Variants in FBXO33 observed in about 807,000 individuals in gnomAD.
FBXO33 encodes the protein F-box only protein 33.
FBXO33 carries 22 observed loss-of-function variants against 46.3 expected under a neutral mutation model. The ratio of observed to expected loss-of-function variants is 0.48; its 90% CI spans 0.34 to 0.68. The LOEUF is 0.68. FBXO33 is among the 30% of genes least tolerant of loss of function. FBXO33 has a pLI of 0.01. For missense variants in FBXO33, 692 were observed against 708.8 expected (o/e 0.98, Z 0.27); for synonymous variants, 337 against 291.3 (o/e 1.16, Z -1.60).
chr14:39,428,654 C>G (rs1040448929), intron 1 of FBXO33, among the ~76,000 whole-genome samples: 5 of 152,282 alleles, frequency 3.3e-5, no homozygotes, highest in Middle Eastern at 3.4e-3. Context: ...TTTTTAGTGA[C>G]TGAGTCTATT....
intron 2 of FBXO33, 137 bp downstream of exon 2, chr14:39,402,264 T>C (rs1242536299): frequency 8.6e-6 from 4 of 462,770 alleles, no homozygotes. Context: ...ATCACTGTAT[T>C]TCACCATTAA....
chr14:39,409,607 G>T (rs1183972075), intron 1 of FBXO33, among the ~76,000 whole-genome samples: 1 of 152,054 alleles, frequency 6.6e-6, no homozygotes, highest in East Asian at 1.9e-4. Context: ...TTCTATTTCT[G>T]TAAAACATGC....
intron 1 of FBXO33, among the ~76,000 whole-genome samples, chr14:39,421,536 A>C (rs1175418284): frequency 6.6e-6 from 1 of 152,156 alleles, no homozygotes; most frequent in Non-Finnish European, 1.5e-5. Context: ...TCAGGGCATA[A>C]TGAGTTTATA....
intron 1 of FBXO33, among the ~76,000 whole-genome samples, chr14:39,407,501 C>CT (rs2075404476): frequency 6.6e-6 from 1 of 152,098 alleles, no homozygotes; most frequent in Non-Finnish European, 1.5e-5. Flanking sequence ...TTCTCTGCTT[C>CT]TGGGAGTTTG....
Position 39,425,782 on chromosome 14 carries a change from G to A in FBXO33, c.599+5782C>T, listed in dbSNP as rs116934760. Among the ~76,000 whole-genome samples the A allele has an allele frequency of 7.2e-5, 11 of 152,300 alleles. No individual in the cohort carries two copies. The East Asian group carries it at 9.6e-4, about 13-fold the overall frequency. ...TTGTTGTACAATATAGCAGTCACTA[G>A]CCATATGTGACTATTGAGCGCTCGA... On this transcript the variant is annotated intron_variant, in intron 1 of 3. Coordinates refer to ENST00000298097, the MANE Select transcript of FBXO33 (RefSeq NM_203301.4).
Position 39,405,099 on chromosome 14 carries a change from A to C in FBXO33, c.600-2588T>G, listed in dbSNP as rs76579682. 1.1e-4 allele frequency among the ~76,000 whole-genome samples: 16 copies of C among 149,570 alleles called. No individual in the cohort carries two copies. The East Asian group carries it at 3.2e-3, about 30-fold the overall frequency. On this transcript the variant is annotated intron_variant, in intron 1 of 3. Transcript: ENST00000298097. ...GGAGATGGGAGGTTGCAGTGAGCCG[A>C]GATCACGCCATTGCGTGTGATTCTG...
Position 39,431,685 on chromosome 14 carries a change from C to A in FBXO33, c.478G>T (p.Ala160Ser), listed in dbSNP as rs897870777. The change falls in exon 1 of 4, where the codon GCG (alanine) becomes TCG (serine). Residue 160 changes from alanine to serine, a missense_variant. By Grantham distance (99) the Ala-to-Ser change is moderately conservative. Coordinates refer to ENST00000298097, the MANE Select transcript of FBXO33 (RefSeq NM_203301.4). ...SGGGPGDGGG[A>S]DTGTGGEEVE... is the part of the protein sequence containing the mutation. ...TCCTCCCCTCCAGTCCCGGTGTCCG[C>A]GCCACCTCCGTCCCCTGGGCCACCG... 2 of 1,613,372 alleles carry A rather than the reference C, an allele frequency of 1.2e-6. No individual in the cohort carries two copies. The highest frequency in any genetic ancestry group is 2.7e-5 in the African/African-American group (2 of 74,940).
Position 39,431,615 on chromosome 14 carries a change from C to T in FBXO33, c.548G>A (p.Arg183His). 6.2e-7 allele frequency: 1 copy of T among 1,613,538 alleles called. No homozygotes were observed. Among genetic ancestry groups the T allele is most frequent in the Non-Finnish European group, 8.5e-7 (1 of 1,180,024 alleles). Residue 183 changes from arginine (R) to histidine (H), a missense_variant, in exon 1 of 4, where the codon CGC becomes CAC. By Grantham distance (29) the Arg-to-His change is conservative. This residue lies in a region of FBXO33 where 412 missense variants were observed against 370.8 expected (regional missense o/e 1.11). Coordinates refer to ENST00000298097, the MANE Select transcript of FBXO33 (RefSeq NM_203301.4). ...GCAAAGCACCAGCTCCAAGTAGGTG[C>T]GCAGCACTTCCAGCCAACGAGCTGA... ...QLSARWLEVL[R>H]TYLELVLCVL...
chr14:39,422,405 C>T (rs1482596211), intron 1 of FBXO33, among the ~76,000 whole-genome samples: 1 of 152,230 alleles, frequency 6.6e-6, no homozygotes, highest in Non-Finnish European at 1.5e-5. Flanking sequence ...CACCCTTGCC[C>T]TACTACAAGC....
chr14:39,401,505 T>C lies in FBXO33; in HGVS notation c.1067A>G (p.Asn356Ser). ...VMHKSLDNMP[N>S]DEHWKALSRK... ...TGACAGGGCTTTCCAATGCTCATCATTTGGCATGTTGTCCAGAGACTTGTG... is the reference window on the plus strand; with the variant it reads ...TGACAGGGCTTTCCAATGCTCATCACTTGGCATGTTGTCCAGAGACTTGTG... Residue 356 changes from asparagine to serine, a missense_variant, in exon 3 of 4, where the codon AAT becomes AGT. Physicochemically the swap from Asn to Ser is conservative, Grantham distance 46 (BLOSUM62 1). Transcript: ENST00000298097. 1.2e-6 allele frequency: 2 copies of C among 1,614,210 alleles called. No homozygotes were observed. The highest frequency in any genetic ancestry group is 8.5e-7 in the Non-Finnish European group (1 of 1,180,024).
chr14:39,420,168 G>A, intron 1 of FBXO33, among the ~76,000 whole-genome samples: 1 of 152,256 alleles, frequency 6.6e-6, no homozygotes, highest in East Asian at 1.9e-4. Context: ...AAAAGTTATG[G>A]TGGTTAAGTT....
chr14:39,402,286 G>C (rs1286922593), intron 2 of FBXO33, 115 bp downstream of exon 2: 175 of 483,064 alleles, frequency 3.6e-4, no homozygotes, highest in Non-Finnish European at 1.7e-5. Flanking sequence ...ACATTTCCAG[G>C]ACCTATGTTC....
rs2075554156 is a variant in FBXO33 at position 39,431,679 on chromosome 14, T to C, written c.484A>G (p.Thr162Ala). The C allele has an allele frequency of 6.2e-7, 1 of 1,613,494 alleles. No individual in the cohort carries two copies. Among genetic ancestry groups the C allele is most frequent in the Non-Finnish European group, 8.5e-7 (1 of 1,179,988 alleles). Residue 162 changes from threonine to alanine, a missense_variant, in exon 1 of 4, where the codon ACC becomes GCC. Around this residue, in one of 3 missense-constraint regions of FBXO33, gnomAD observed 412 missense variants for 370.8 expected, o/e 1.11. Coordinates refer to ENST00000298097, the MANE Select transcript of FBXO33 (RefSeq NM_203301.4). ...TCGACTTCCTCCCCTCCAGTCCCGG[T>C]GTCCGCGCCACCTCCGTCCCCTGGG... ...GGPGDGGGAD[T>A]GTGGEEVEAL...
intron 1 of FBXO33, among the ~76,000 whole-genome samples, chr14:39,413,102 G>A (rs973537694): frequency 6.6e-6 from 1 of 152,194 alleles, no homozygotes; most frequent in Non-Finnish European, 1.5e-5. Flanking sequence ...CTGCTTAATA[G>A]CTTTTTATCC....
intron 1 of FBXO33, among the ~76,000 whole-genome samples, chr14:39,414,138 T>C (rs903069704): frequency 6.6e-6 from 1 of 152,240 alleles, no homozygotes; most frequent in Non-Finnish European, 1.5e-5. Flanking sequence ...TGTAACCACA[T>C]TCATCAATGA....
At chr14:39,421,485 A>G (rs2075483700) in intron 1 of FBXO33, among the ~76,000 whole-genome samples, 2 of 152,144 alleles carry the variant, frequency 1.3e-5, no homozygotes, top group African/African-American at 2.4e-5. Flanking sequence ...TGGACTTCAT[A>G]TGAGTCCATA....
intron 3 of FBXO33, 143 bp from the exon 4 acceptor site, chr14:39,399,930 A>C (rs933725347): frequency 1.0e-6 from 1 of 956,336 alleles, no homozygotes; most frequent in African/African-American, 1.6e-5. Context: ...TCCTTTAGAA[A>C]TATATTGAAA....
At chr14:39,400,286 A>G (rs2075362742) in intron 3 of FBXO33, among the ~76,000 whole-genome samples, 1 of 152,204 alleles carries the variant, frequency 6.6e-6, no homozygotes, top group Non-Finnish European at 1.5e-5. Flanking sequence ...CGTAAATTAT[A>G]AAACAATCAT....
intron 1 of FBXO33, among the ~76,000 whole-genome samples, chr14:39,404,716 C>T (rs73285541): frequency 0.022 from 3,287 of 152,176 alleles, 125 homozygotes; most frequent in African/African-American, 0.076. Flanking sequence ...ATTTGCAGCA[C>T]TTGAAGAGAT....
Sources: allele counts gnomAD v4.1 joint callset (sites outside exome capture counted in the v4.1 genomes callset), GRCh38; gene constraint gnomAD v4.1.1; regional missense constraint gnomAD v4.1.1; transcripts MANE v1.5; gene names NCBI Gene and HGNC (gene_info 2026-07-23, HGNC 2026-07-21).